Variants in CDC42BPA observed in about 807,000 individuals in gnomAD.
CDC42BPA encodes the protein CDC42 binding protein kinase alpha.
In CDC42BPA, 80 loss-of-function variants were observed where a neutral mutation model predicts 223.5. That is an observed-to-expected ratio of 0.36 (90% CI 0.30 to 0.43). The LOEUF (loss-of-function observed/expected upper bound fraction) is 0.43, where lower values mean the gene tolerates loss of function less well. Among genes scored for constraint, CDC42BPA ranks in the 20% least tolerant of loss-of-function variants. The pLI is 1.00. For synonymous variants in CDC42BPA, 694 were observed against 718.6 expected, an observed-to-expected ratio of 0.97 and a Z score of 0.55; for missense variants, 1,743 against 2,099.9, an observed-to-expected ratio of 0.83 and a Z score of 3.32.
At chr1:227,291,629 T>C (rs934929299) in intron 1 of CDC42BPA, among the ~76,000 whole-genome samples, 19 of 152,124 alleles carry the variant, frequency 1.2e-4, no homozygotes, top group Non-Finnish European at 2.1e-4. Context: ...CTTTGGATAT[T>C]TGATAATACT....
chr1:227,162,910 A>C (rs1171042793), intron 5 of CDC42BPA, among the ~76,000 whole-genome samples: 1 of 145,734 alleles, frequency 6.9e-6, no homozygotes, highest in African/African-American at 2.6e-5. Context: ...ATGTGTGTGT[A>C]TATGTGTGTG....
intron 21 of CDC42BPA, among the ~76,000 whole-genome samples, chr1:227,062,167 C>T (rs541379935): frequency 6.6e-6 from 1 of 152,314 alleles, no homozygotes; most frequent in African/African-American, 2.4e-5. Context: ...CTTCCTCACC[C>T]TTTTTGTTTG....
chr1:227,112,170 T>G, intron 14 of CDC42BPA, 142 bp downstream of exon 14: 1 of 461,232 alleles, frequency 2.2e-6, no homozygotes, highest in Non-Finnish European at 3.8e-6. Context: ...TTCCTACTGG[T>G]AAGAACGAGA....
intron 2 of CDC42BPA, among the ~76,000 whole-genome samples, chr1:227,248,057 CAAAA>C (rs1174669335): frequency 1.3e-5 from 2 of 150,738 alleles, no homozygotes; most frequent in African/African-American, 2.4e-5. Flanking sequence ...ACAGAGGTGA[CAAAA>C]GAATGAAAAA....
At chr1:227,049,813 G>A (rs1032778649) in intron 22 of CDC42BPA, among the ~76,000 whole-genome samples, 11 of 151,908 alleles carry the variant, frequency 7.2e-5, no homozygotes, top group Admixed American at 3.3e-4. Flanking sequence ...TGTTCACATG[G>A]GAAAAAGACA....
At position 227,187,655 on chromosome 1, in the gene CDC42BPA, C is replaced by A. The variant is rs372360222; in HGVS notation, c.599+6131G>T. 6.1e-4 allele frequency among the ~76,000 whole-genome samples: 68 copies of A among 111,430 alleles called. 1 individual carries two copies. The East Asian group carries it at 0.016, about 26-fold the overall frequency. 73.1% of individuals were successfully genotyped at this position (111,430 alleles called of 152,430 possible). On this transcript the variant is annotated intron_variant, in intron 5 of 36. Coordinates refer to ENST00000366766, the MANE Select transcript of CDC42BPA (RefSeq NM_001394014.1). ...CAGAGCCAGGAAATTCAAAAAATAT[C>A]AAGAAGGATAAATGGCACCCCCCAC...
At chr1:227,168,329 T>G (rs1204079211) in intron 5 of CDC42BPA, among the ~76,000 whole-genome samples, 1 of 152,066 alleles carries the variant, frequency 6.6e-6, no homozygotes. Context: ...TCTTTTAGCT[T>G]CTTTATTTTC....
chr1:227,179,635 CAAAAA>C (rs59744442), intron 5 of CDC42BPA, among the ~76,000 whole-genome samples: 14 of 34,242 alleles, frequency 4.1e-4, no homozygotes, highest in East Asian at 1.8e-3. Context: ...GCCTCCATCT[CAAAAA>C]AAAAAAAAAA....
intron 16 of CDC42BPA, among the ~76,000 whole-genome samples, chr1:227,082,608 A>G (rs111978396): frequency 0.28 from 42,679 of 150,764 alleles, 6,221 homozygotes; most frequent in African/African-American, 0.35. Context: ...CCAGCTACTC[A>G]GGAGGCTGAG....
intron 2 of CDC42BPA, among the ~76,000 whole-genome samples, chr1:227,243,251 T>G (rs1172184114): frequency 6.6e-6 from 1 of 152,138 alleles, no homozygotes; most frequent in Non-Finnish European, 1.5e-5. Flanking sequence ...GATGAAATAA[T>G]CTGTACAACA....
Position 227,099,817 on chromosome 1 carries a change from A to G in CDC42BPA, c.2249+1175T>C, listed in dbSNP as rs77099808. ...TTCCCTGGCCATCCTGTATTTATAT[A>G]ATTTAACCCTCCCTTGAATGCTTCA... On this transcript the variant is annotated intron_variant, in intron 15 of 36. Transcript: ENST00000366766. 5.3e-4 allele frequency among the ~76,000 whole-genome samples: 81 copies of G among 152,260 alleles called. No individual in the cohort carries two copies. In the East Asian group the frequency reaches 6.8e-3, roughly 13 times the overall value.
chr1:227,041,160 T>C (rs913411905), intron 23 of CDC42BPA, among the ~76,000 whole-genome samples: 17 of 152,146 alleles, frequency 1.1e-4, no homozygotes, highest in Admixed American at 2.6e-4. Context: ...TAATTTCAAC[T>C]CTTATTTTAG....
intron 24 of CDC42BPA, among the ~76,000 whole-genome samples, chr1:227,037,444 AAC>A (rs779192935): frequency 4.6e-5 from 7 of 152,224 alleles, no homozygotes; most frequent in Non-Finnish European, 1.0e-4. Flanking sequence ...TTTGGCTTTA[AAC>A]ACACATATCT....
chr1:227,066,793 ACT>A (rs1677188730), intron 21 of CDC42BPA, among the ~76,000 whole-genome samples: 1 of 152,172 alleles, frequency 6.6e-6, no homozygotes, highest in East Asian at 1.9e-4. Flanking sequence ...CATTACATAC[ACT>A]GTTTCCTTAA....
At chr1:227,133,709 T>C (rs557486126) in intron 10 of CDC42BPA, among the ~76,000 whole-genome samples, 9 of 152,188 alleles carry the variant, frequency 5.9e-5, no homozygotes, top group Non-Finnish European at 8.8e-5. Context: ...CCACTCAGGG[T>C]TAAATGGATT....
At chr1:227,124,118 A>G (rs1394812574) in intron 11 of CDC42BPA, among the ~76,000 whole-genome samples, 1 of 152,196 alleles carries the variant, frequency 6.6e-6, no homozygotes, top group Non-Finnish European at 1.5e-5. Flanking sequence ...AATACTGGCA[A>G]TAAGCTTGGC....
chr1:227,118,371 GA>G (rs1373398867), intron 12 of CDC42BPA, among the ~76,000 whole-genome samples: 1 of 152,024 alleles, frequency 6.6e-6, no homozygotes, highest in African/African-American at 2.4e-5. Flanking sequence ...ACATCTATTG[GA>G]ATGGCTATTT....
chr1:227,296,140 T>C (rs1444898357), intron 1 of CDC42BPA, among the ~76,000 whole-genome samples: 1 of 152,136 alleles, frequency 6.6e-6, no homozygotes, highest in Non-Finnish European at 1.5e-5. Flanking sequence ...ATCCAGGCTG[T>C]ATGGTACTGG....
rs1396334130 is a variant in CDC42BPA at position 227,047,979 on chromosome 1, G to T, written c.3041C>A (p.Thr1014Lys). 2.5e-6 allele frequency: 4 copies of T among 1,611,544 alleles called. No homozygotes were observed. Among genetic ancestry groups the T allele is most frequent in the East Asian group, 2.2e-5 (1 of 44,768 alleles). Residue 1014 changes from threonine to lysine, a missense_variant, in exon 23 of 37, where the codon ACA (threonine) becomes AAA (lysine). Thr to Lys is a moderately conservative substitution (Grantham distance 78). Transcript: ENST00000366766. Reference sequence around the variant, plus strand: ...ACATCCTTTTTTCCTTAAGGTTGGTGTGTGAACTGAAAGTGGAGTGGAGTC... The same window carrying T: ...ACATCCTTTTTTCCTTAAGGTTGGTTTGTGAACTGAAAGTGGAGTGGAGTC... ...TVDSTPLSVH[T>K]PTLRKKGCPG...
Sources: allele counts gnomAD v4.1 joint callset (sites outside exome capture counted in the v4.1 genomes callset), GRCh38; gene constraint gnomAD v4.1.1; transcripts MANE v1.5; gene names NCBI Gene and HGNC (gene_info 2026-07-23, HGNC 2026-07-21).